The following MSI1 variants were observed in gnomAD, a reference collection of about 807,000 sequenced individuals.
The protein encoded by MSI1 is musashi RNA binding protein 1, also known as RNA-binding protein Musashi homolog 1.
In MSI1, 15 loss-of-function variants were observed where a neutral mutation model predicts 54.4. The ratio of observed to expected loss-of-function variants is 0.28; its 90% CI spans 0.18 to 0.42. The LOEUF (loss-of-function observed/expected upper bound fraction) is 0.42. Among genes scored for constraint, MSI1 ranks in the 20% least tolerant of loss-of-function variants. The pLI is 1.00. For missense variants in MSI1, 304 were observed against 506.0 expected, an observed-to-expected ratio of 0.60 and a Z score of 3.83; for synonymous variants, 200 against 196.5, an observed-to-expected ratio of 1.02 and a Z score of -0.15.
rs750774925 is a variant in MSI1 at position 120,367,991 on chromosome 12, C to G, written c.267+17G>C. ...TCCCTCTCCCAAAGGACCCCCGAAG[C>G]CCCGAGGGCCACTCACTGTTTTGGA... On this transcript the variant is annotated intron_variant, in intron 4 of 14. Coordinates refer to ENST00000257552, the MANE Select transcript of MSI1 (RefSeq NM_002442.4). The G allele has an allele frequency of 3.7e-6, 6 of 1,602,980 alleles. No homozygotes were observed. In the Admixed American group the frequency reaches 1.0e-4, roughly 27 times the overall value.
chr12:120,359,392 C>A (rs961687709), intron 6 of MSI1, among the ~76,000 whole-genome samples: 1 of 152,070 alleles, frequency 6.6e-6, no homozygotes, highest in Non-Finnish European at 1.5e-5. Context: ...ACTGGGGAGG[C>A]ACAGAGAAGA....
chr12:120,357,516 G>A (rs1452026342), intron 8 of MSI1, among the ~76,000 whole-genome samples: 1 of 151,980 alleles, frequency 6.6e-6, no homozygotes, highest in African/African-American at 2.4e-5. Context: ...GTTTTGTTTT[G>A]TTTGAGACGG....
rs926495270 is a variant in MSI1 at position 120,342,896 on chromosome 12, G to C, written c.*231C>G. 6.6e-6 allele frequency: 1 copy of C among 150,636 alleles called. No individual in the cohort carries two copies. Among genetic ancestry groups the C allele is most frequent in the Non-Finnish European group, 1.5e-5 (1 of 67,668 alleles). 9.3% of individuals were successfully genotyped at this position (150,636 alleles called of 1,614,324 possible). On this transcript the variant is annotated 3_prime_UTR_variant, in exon 15 of 15. Coordinates refer to ENST00000257552, the MANE Select transcript of MSI1 (RefSeq NM_002442.4). ...TAAAAGCAGGGCCGGGAGAGGGGCGGGTGGGGATGGGGGCAAGGGCGAAGA... is the reference window on the plus strand; with the variant it reads ...TAAAAGCAGGGCCGGGAGAGGGGCGCGTGGGGATGGGGGCAAGGGCGAAGA...
In MSI1 at chr12:120,368,152, G is replaced by A. The variant is rs1168112053; in HGVS notation, c.182+40C>T. On this transcript the variant is annotated intron_variant, in intron 3 of 14. Coordinates refer to ENST00000257552, the MANE Select transcript of MSI1 (RefSeq NM_002442.4). This position sits in a 1 kb window ranked among gnomAD's most constrained non-coding sequence, Gnocchi z 6.6. ...CAAGGCAGTGAGTGGCGGGTGGAGGGGGGCGAGCCGGGAGCAGGAGGAGGG... is the reference window on the plus strand; with the variant it reads ...CAAGGCAGTGAGTGGCGGGTGGAGGAGGGCGAGCCGGGAGCAGGAGGAGGG... 7.0e-6 allele frequency: 11 copies of A among 1,581,704 alleles called. No individual in the cohort carries two copies. The highest frequency in any genetic ancestry group is 1.7e-4 in the Middle Eastern group (1 of 6,034).
Position 120,347,474 on chromosome 12 carries a change from C to G in MSI1, c.831G>C (p.Ala277=), listed in dbSNP as rs561139090. The change falls in exon 12 of 15, where the codon GCG becomes GCC. Residue 277 remains alanine, a synonymous_variant. Transcript: ENST00000257552. ...LTAYGPMAAA[A]AAAAVVRGTG... is the part of the protein sequence containing the mutation. Reference sequence around the variant, plus strand: ...TCCCTCGAACCACAGCCGCTGCCGCCGCTGCCGCCGCCATTGGTCCGTAGG... The same window carrying G: ...TCCCTCGAACCACAGCCGCTGCCGCGGCTGCCGCCGCCATTGGTCCGTAGG... The G allele has an allele frequency of 6.2e-7, 1 of 1,614,130 alleles. No individual in the cohort carries two copies. The highest frequency in any genetic ancestry group is 8.5e-7 in the Non-Finnish European group (1 of 1,180,040).
intron 11 of MSI1, among the ~76,000 whole-genome samples, 168 bp downstream of exon 11, chr12:120,351,176 T>C (rs555865401): frequency 3.9e-5 from 6 of 152,176 alleles, no homozygotes. Context: ...AAGGGCCATG[T>C]AGCCGCCCAG....
At chr12:120,357,944 AG>A in intron 7 of MSI1, 46 bp from the exon 8 acceptor site, 1 of 1,578,828 alleles carries the variant, frequency 6.3e-7, no homozygotes, top group African/African-American at 1.3e-5. Context: ...ACCAGAGCGC[AG>A]GGTCAAAACT....
intron 6 of MSI1, among the ~76,000 whole-genome samples, chr12:120,360,038 T>C (rs911487675): frequency 1.3e-5 from 2 of 151,794 alleles, no homozygotes; most frequent in Admixed American, 6.6e-5. Context: ...CAGGCTGGAG[T>C]TCTGTGGCAT....
chr12:120,356,946 A>G lies in MSI1; in HGVS notation c.608T>C (p.Met203Thr), dbSNP rs1425710414. The change falls in exon 9 of 15, where the codon ATG becomes ACG. Residue 203 changes from methionine (M) to threonine (T), a missense_variant. Coordinates refer to ENST00000257552, the MANE Select transcript of MSI1 (RefSeq NM_002442.4). The stretch of plus-strand genomic sequence containing the variant: ...CATGAAGGCGTCCATTCCGTAGGGC[A>G]TGACTCGAGACCTCCCCCGGGCTGA... Reference protein sequence around the residue: ...TGSARGRSRVMPYGMDAFMLG... With the variant: ...TGSARGRSRVTPYGMDAFMLG... 6.2e-7 allele frequency: 1 copy of G among 1,614,224 alleles called. No homozygotes were observed. Among genetic ancestry groups the G allele is most frequent in the Non-Finnish European group, 8.5e-7 (1 of 1,180,042 alleles).
At position 120,358,989 on chromosome 12, in the gene MSI1, A is replaced by G; in HGVS notation, c.451+16T>C. On this transcript the variant is annotated intron_variant, in intron 7 of 14. Coordinates refer to ENST00000257552, the MANE Select transcript of MSI1 (RefSeq NM_002442.4). ...CACGGGGCCCAGCCTGGGAAGGGGGAGGGGGCCACACTCACCTCGGTGCCG... is the reference window on the plus strand; with the variant it reads ...CACGGGGCCCAGCCTGGGAAGGGGGGGGGGGCCACACTCACCTCGGTGCCG... The G allele has an allele frequency of 1.3e-6, 2 of 1,565,642 alleles. No individual in the cohort carries two copies. The highest frequency in any genetic ancestry group is 1.9e-5 in the Admixed American group (1 of 52,076).
chr12:120,356,297 G>A (rs577390355), intron 9 of MSI1, among the ~76,000 whole-genome samples: 9 of 152,150 alleles, frequency 5.9e-5, no homozygotes, highest in African/African-American at 1.7e-4. Context: ...AAGGCCTTTG[G>A]CCTTTGCAAA....
intron 14 of MSI1, among the ~76,000 whole-genome samples, chr12:120,344,736 G>A (rs370846383): frequency 5.3e-5 from 8 of 150,406 alleles, no homozygotes; most frequent in East Asian, 4.0e-4. Flanking sequence ...GGCTGGGCAC[G>A]GTGGCTCACC....
At chr12:120,357,048 C>A in intron 8 of MSI1, 29 bp from the exon 9 acceptor site, 1 of 1,587,040 alleles carries the variant, frequency 6.3e-7, no homozygotes, top group Non-Finnish European at 8.7e-7. Flanking sequence ...GTTAGTCTTT[C>A]CCACAGAGCT....
intron 12 of MSI1, among the ~76,000 whole-genome samples, chr12:120,347,097 G>C (rs572318246): frequency 2.0e-5 from 3 of 152,034 alleles, no homozygotes; most frequent in African/African-American, 7.2e-5. Flanking sequence ...TTACAGGCGC[G>C]CACCACCACG....
intron 4 of MSI1, 22 bp downstream of exon 4, chr12:120,367,986 C>G (rs1258870657): frequency 1.3e-6 from 2 of 1,597,054 alleles, no homozygotes; most frequent in African/African-American, 2.7e-5. Flanking sequence ...AAAGGACCCC[C>G]GAAGCCCCGA....
In MSI1 at chr12:120,356,894, G is replaced by A. The variant is rs145402971; in HGVS notation, c.652+8C>T. ...AGAAAGAAGCCGCAGGCGCAGGCTC[G>A]CGCATACCCAGCATGCCGATGCCCA... is the stretch of plus-strand genomic sequence containing the variant. On this transcript the variant is annotated splice_region_variant and intron_variant, in intron 9 of 14. Coordinates refer to ENST00000257552, the MANE Select transcript of MSI1 (RefSeq NM_002442.4). The A allele has an allele frequency of 4.7e-4, 761 of 1,612,076 alleles. 3 individuals are homozygous for A. The African/African-American group carries it at 8.8e-3, about 19-fold the overall frequency.
At chr12:120,360,938 C>T (rs937194479) in intron 6 of MSI1, among the ~76,000 whole-genome samples, 2 of 152,050 alleles carry the variant, frequency 1.3e-5, no homozygotes, top group Non-Finnish European at 2.9e-5. Flanking sequence ...TACAGGTGTG[C>T]ACCACCAAGC....
Position 120,368,325 on chromosome 12 carries a change from C to CCT in MSI1, c.101-53_101-52insAG. 6.9e-7 allele frequency: 1 copy of CCT among 1,457,550 alleles called. No individual in the cohort carries two copies. Among genetic ancestry groups the CCT allele is most frequent in the East Asian group, 2.6e-5 (1 of 38,808 alleles). 90.3% of individuals were successfully genotyped at this position (1,457,550 alleles called of 1,614,324 possible). A position where few individuals can be genotyped will look rare whatever the true frequency, so the allele number is the denominator to read the frequency against. On this transcript the variant is annotated intron_variant, in intron 2 of 14. Transcript: ENST00000257552. The surrounding 1 kb of genome is among the most constrained non-coding windows in gnomAD (Gnocchi z 6.6). ...CAGCCCGGGCCCCGCGCCCTTCCCC[C>CCT]CCCCCCGTCCTTTGCCCCCGGTGAC...
chr12:120,340,789 C>T (rs375322711), downstream of MSI1, among the ~76,000 whole-genome samples: 321 of 152,218 alleles, frequency 2.1e-3, 2 homozygotes, highest in Non-Finnish European at 3.3e-3. Flanking sequence ...ACTGGGATTA[C>T]AGGTGTGAGC....
Sources: gnomAD v4.1 joint callset for allele counts (sites outside exome capture counted in the v4.1 genomes callset) on GRCh38, gnomAD v4.1.1 for gene constraint, Gnocchi (gnomAD v3.1) non-coding constraint, MANE v1.5 for transcripts, NCBI Gene and HGNC (gene_info 2026-07-23, HGNC 2026-07-21) for gene names.